Variants in NCALD observed in about 807,000 individuals in gnomAD.
NCALD encodes neurocalcin delta.
NCALD carries 10 observed loss-of-function variants against 18.6 expected under a neutral mutation model. The observed-to-expected ratio is 0.54, with a 90% CI of 0.33 to 0.91. NCALD has a LOEUF of 0.91. Among genes scored for constraint, NCALD ranks in the 40% least tolerant of loss-of-function variants. The probability of loss-of-function intolerance (pLI) is 0.03; values close to 1 mark genes in which losing one functional copy is unlikely to be tolerated. For synonymous variants in NCALD, 88 were observed against 87.4 expected, an observed-to-expected ratio of 1.01 and a Z score of -0.04; for missense variants, 184 against 247.6, an observed-to-expected ratio of 0.74 and a Z score of 1.72.
chr8:102,010,746 T>A (rs1429247168), intron 2 of NCALD, among the ~76,000 whole-genome samples: 1 of 152,202 alleles, frequency 6.6e-6, no homozygotes, highest in Non-Finnish European at 1.5e-5. Context: ...TCCCTAGAGA[T>A]AACAATTTTC....
chr8:102,106,188 G>A (rs1299060403), intron 1 of NCALD, among the ~76,000 whole-genome samples: 1 of 151,274 alleles, frequency 6.6e-6, no homozygotes, highest in Non-Finnish European at 1.5e-5. Context: ...TCCTGCCTCC[G>A]CCTCCCAAGT....
chr8:101,851,151 G>A (rs535605245), intron 4 of NCALD, among the ~76,000 whole-genome samples: 10 of 152,210 alleles, frequency 6.6e-5, no homozygotes, highest in South Asian at 4.2e-4. Context: ...AGAATCTTAC[G>A]AGATTAGTGT....
At chr8:101,957,762 A>G (rs1489893696) in intron 2 of NCALD, among the ~76,000 whole-genome samples, 1 of 152,194 alleles carries the variant, frequency 6.6e-6, no homozygotes, top group Non-Finnish European at 1.5e-5. Flanking sequence ...AAGATGAGAC[A>G]GTGCTTTGTC....
intron 1 of NCALD, among the ~76,000 whole-genome samples, chr8:102,060,869 T>C (rs536055955): frequency 6.2e-4 from 95 of 152,226 alleles, no homozygotes; most frequent in African/African-American, 2.1e-3. Flanking sequence ...TCAAACAATA[T>C]GGTTAACACT....
chr8:101,887,420 T>C (rs1015751427), intron 3 of NCALD, among the ~76,000 whole-genome samples: 1 of 152,208 alleles, frequency 6.6e-6, no homozygotes, highest in Admixed American at 6.5e-5. Flanking sequence ...ATGAGTCTTG[T>C]AACCCAGGAA....
rs2132372308 is a variant in NCALD, at chr8:102,090,734, C to T, written c.-210+33503G>A. On this transcript the variant is annotated intron_variant, in intron 1 of 6. Transcript: ENST00000311028. ...TGGATCATATTTGTTTCTCTCTACCCAATTTCTCCAGAATTTGGAAACTAG... is the reference window on the plus strand; with the variant it reads ...TGGATCATATTTGTTTCTCTCTACCTAATTTCTCCAGAATTTGGAAACTAG... Among the ~76,000 whole-genome samples the T allele has an allele frequency of 1.3e-5, 2 of 152,278 alleles. 1 individual carries two copies. Among genetic ancestry groups the T allele is most frequent in the South Asian group, 4.1e-4 (2 of 4,822 alleles).
intron 4 of NCALD, among the ~76,000 whole-genome samples, chr8:101,875,926 G>A (rs1816209316): frequency 6.6e-6 from 1 of 152,226 alleles, no homozygotes; most frequent in Non-Finnish European, 1.5e-5. Context: ...TGTTGTAGTA[G>A]TGAACTGATT....
chr8:102,026,937 G>A (rs1392231655), intron 1 of NCALD, among the ~76,000 whole-genome samples: 1 of 152,188 alleles, frequency 6.6e-6, no homozygotes, highest in Non-Finnish European at 1.5e-5. Context: ...GCCAAGGCCT[G>A]GGGCTTCCAC....
intron 4 of NCALD, among the ~76,000 whole-genome samples, chr8:101,809,384 G>C (rs1052894050): frequency 2.0e-5 from 3 of 152,076 alleles, no homozygotes; most frequent in African/African-American, 7.2e-5. Flanking sequence ...TTTCTCACAG[G>C]AAACTAAGGA....
In NCALD at chr8:101,784,971, A is replaced by C. The variant is rs542990133; in HGVS notation, c.-20+5891T>G. 8.0e-4 allele frequency among the ~76,000 whole-genome samples: 122 copies of C among 152,266 alleles called. 1 individual carries two copies. The South Asian group carries it at 0.023, about 29-fold the overall frequency. ...TTTTTTCTCATTAACATTACAACAA[A>C]ACGATGTTGAATGAAATGACGGTAT... On this transcript the variant is annotated intron_variant, in intron 1 of 3. Transcript: ENST00000220931.
intron 4 of NCALD, among the ~76,000 whole-genome samples, chr8:101,815,294 C>A (rs1260097537): frequency 1.3e-5 from 2 of 151,936 alleles, no homozygotes; most frequent in African/African-American, 2.4e-5. Context: ...AGAATAGAGA[C>A]CTCAAAAATA....
intron 2 of NCALD, among the ~76,000 whole-genome samples, chr8:101,997,707 T>A (rs950316123): frequency 2.0e-5 from 3 of 152,192 alleles, no homozygotes; most frequent in African/African-American, 7.2e-5. Context: ...TCAGCTCTAT[T>A]TCTCTGAGCC....
chr8:101,736,108 T>G (rs1809901839), intron 1 of NCALD, among the ~76,000 whole-genome samples: 2 of 152,172 alleles, frequency 1.3e-5, no homozygotes, highest in Admixed American at 1.3e-4. Flanking sequence ...GCAGGAGCCC[T>G]CATTCTGTAT....
At chr8:101,938,086 G>A (rs73290571) in intron 2 of NCALD, among the ~76,000 whole-genome samples, 1,901 of 152,114 alleles carry the variant, frequency 0.012, 38 homozygotes, top group African/African-American at 0.039. Context: ...AGCCCCTACT[G>A]CTTCTCTCTC....
intron 1 of NCALD, among the ~76,000 whole-genome samples, chr8:102,088,643 G>A (rs1282141888): frequency 6.6e-6 from 1 of 151,868 alleles, no homozygotes; most frequent in African/African-American, 2.4e-5. Context: ...AAAGTAGATA[G>A]ATCTCTTTCA....
chr8:102,007,043 T>C (rs1371848922), intron 2 of NCALD, among the ~76,000 whole-genome samples: 2 of 152,142 alleles, frequency 1.3e-5, no homozygotes, highest in African/African-American at 4.8e-5. Flanking sequence ...CTGGAGAGCT[T>C]ATTAAAAATG....
chr8:102,063,366 T>A (rs1011808888), intron 1 of NCALD, among the ~76,000 whole-genome samples: 44 of 152,134 alleles, frequency 2.9e-4, no homozygotes, highest in Admixed American at 2.2e-3. Flanking sequence ...ATTAAGCCTA[T>A]TTTTTCTCAT....
chr8:101,809,446 C>T (rs1016442353), intron 4 of NCALD, among the ~76,000 whole-genome samples: 3 of 152,238 alleles, frequency 2.0e-5, no homozygotes, highest in African/African-American at 7.2e-5. Flanking sequence ...ATTTAATCTC[C>T]CATATAAAAG....
chr8:101,725,968 C>A (rs944214722), intron 1 of NCALD, among the ~76,000 whole-genome samples: 33 of 152,284 alleles, frequency 2.2e-4, no homozygotes, highest in African/African-American at 7.9e-4. Flanking sequence ...GAAAGCCCCA[C>A]TGAGAAAGCA....
Sources: allele counts gnomAD v4.1 joint callset (sites outside exome capture counted in the v4.1 genomes callset), GRCh38; gene constraint gnomAD v4.1.1; transcripts MANE v1.5; gene names NCBI Gene and HGNC (gene_info 2026-07-23, HGNC 2026-07-21).